VRK2: variants seen among roughly 807,000 people sequenced by gnomAD.
The protein encoded by VRK2 is VRK serine/threonine kinase 2, also known as serine/threonine-protein kinase VRK2.
In VRK2, 60 loss-of-function variants were observed where a neutral mutation model predicts 57.6. The observed-to-expected ratio is 1.04, with a 90% CI of 0.85 to 1.29. The LOEUF (loss-of-function observed/expected upper bound fraction) is 1.29, where lower values mean the gene tolerates loss of function less well. Among genes scored for constraint, VRK2 ranks in the 50% most tolerant of loss-of-function variants. The probability of loss-of-function intolerance (pLI) is 0.00; values close to 1 mark genes in which losing one functional copy is unlikely to be tolerated. For missense variants in VRK2, 705 were observed against 588.1 expected (o/e 1.20, Z -2.06); for synonymous variants, 231 against 199.2 (o/e 1.16, Z -1.35).
Position 58,118,673 on chromosome 2 carries a change from C to A in VRK2, c.544-4428C>A, listed in dbSNP as rs370171399. ...GGGGATTGATCTCCCAAGGGAGGTC[C>A]CCCGATCCGAGTCATGGCACCAAAT... On this transcript the variant is annotated intron_variant, in intron 7 of 12. Transcript: ENST00000340157. 1.5e-4 allele frequency among the ~76,000 whole-genome samples: 23 copies of A among 151,764 alleles called. No individual in the cohort carries two copies. In the East Asian group the frequency reaches 3.9e-3, roughly 26 times the overall value.
intron 1 of VRK2, among the ~76,000 whole-genome samples, chr2:57,985,283 A>G (rs934116535): frequency 2.6e-5 from 4 of 152,084 alleles, no homozygotes; most frequent in Non-Finnish European, 4.4e-5. Flanking sequence ...TCCTTGTGAT[A>G]TATTTCTAAT....
chr2:58,017,501 C>T (rs746916301), intron 1 of VRK2, among the ~76,000 whole-genome samples: 2 of 152,186 alleles, frequency 1.3e-5, no homozygotes, highest in Non-Finnish European at 2.9e-5. Flanking sequence ...GGGCAATTTT[C>T]TCCGCTGGGG....
At chr2:57,972,612 C>T (rs1215446512) in intron 1 of VRK2, among the ~76,000 whole-genome samples, 1 of 151,766 alleles carries the variant, frequency 6.6e-6, no homozygotes, top group African/African-American at 2.4e-5. Context: ...TCATTTGTCT[C>T]ATTTTAATTT....
chr2:58,153,648 C>T (rs1375039104), intron 12 of VRK2, among the ~76,000 whole-genome samples: 1 of 152,076 alleles, frequency 6.6e-6, no homozygotes, highest in African/African-American at 2.4e-5. Flanking sequence ...CATCTGTGCT[C>T]ATGAGAGCTG....
At chr2:57,946,103 T>G (rs973305525) in intron 1 of VRK2, among the ~76,000 whole-genome samples, 1 of 152,094 alleles carries the variant, frequency 6.6e-6, no homozygotes, top group Non-Finnish European at 1.5e-5. Flanking sequence ...AGAGGAATAA[T>G]TTATTTATAT....
At chr2:57,958,688 G>C (rs936901073) in intron 1 of VRK2, among the ~76,000 whole-genome samples, 5 of 151,888 alleles carry the variant, frequency 3.3e-5, no homozygotes, top group Non-Finnish European at 7.4e-5. Flanking sequence ...GCTACTTATT[G>C]ATCCCTGCAT....
chr2:57,963,467 T>C (rs971054274), intron 1 of VRK2, among the ~76,000 whole-genome samples: 2 of 152,236 alleles, frequency 1.3e-5, no homozygotes, highest in African/African-American at 4.8e-5. Flanking sequence ...TTAGCATTAT[T>C]ATATAATACG....
chr2:58,050,163 G>C (rs1213299586), intron 2 of VRK2, among the ~76,000 whole-genome samples: 2 of 151,968 alleles, frequency 1.3e-5, no homozygotes, highest in Non-Finnish European at 2.9e-5. Flanking sequence ...TACGTTAAAA[G>C]AAACAGGTGA....
chr2:57,996,500 G>T (rs1384176091), intron 1 of VRK2, among the ~76,000 whole-genome samples: 1 of 152,174 alleles, frequency 6.6e-6, no homozygotes, highest in Non-Finnish European at 1.5e-5. Context: ...TATAGGTATT[G>T]GTCATATCCT....
At chr2:57,926,871 A>C (rs1293207564) in intron 1 of VRK2, among the ~76,000 whole-genome samples, 1 of 151,724 alleles carries the variant, frequency 6.6e-6, no homozygotes, top group African/African-American at 2.4e-5. Flanking sequence ...GTTCTTATTT[A>C]TAAGTAAAGA....
intron 10 of VRK2, among the ~76,000 whole-genome samples, chr2:58,136,968 ATATAT>A (rs1423262451): frequency 5.6e-4 from 71 of 125,718 alleles, no homozygotes; most frequent in South Asian, 3.5e-3. Context: ...TATATATATC[ATATAT>A]TATATATCAT....
At chr2:58,036,614 T>C (rs1395559486) in intron 3 of VRK2, among the ~76,000 whole-genome samples, 1 of 152,000 alleles carries the variant, frequency 6.6e-6, no homozygotes, top group African/African-American at 2.4e-5. Flanking sequence ...AGAAATACTA[T>C]GTAAAACCAA....
intron 1 of VRK2, among the ~76,000 whole-genome samples, chr2:57,954,943 A>G (rs182508328): frequency 2.0e-5 from 3 of 152,310 alleles, no homozygotes; most frequent in Admixed American, 2.0e-4. Context: ...ATTATTGGAG[A>G]TGTTAAATTA....
At chr2:58,120,184 CTTTTTTTTTTTT>C (rs397868874) in intron 7 of VRK2, among the ~76,000 whole-genome samples, 3 of 51,988 alleles carry the variant, frequency 5.8e-5, no homozygotes, top group East Asian at 1.1e-3. Context: ...TTTTTCTTTT[CTTTTTTTTTTTT>C]TTTTTTTTTT....
At chr2:58,115,194 G>A (rs1298552735) in intron 7 of VRK2, among the ~76,000 whole-genome samples, 2 of 152,234 alleles carry the variant, frequency 1.3e-5, no homozygotes, top group East Asian at 3.9e-4. Flanking sequence ...TGTGTTCAGG[G>A]TGAGGGACAG....
At chr2:58,079,776 G>A (rs1402448386) in intron 2 of VRK2, among the ~76,000 whole-genome samples, 1 of 151,844 alleles carries the variant, frequency 6.6e-6, no homozygotes, top group Non-Finnish European at 1.5e-5. Context: ...TTTCTCCAAG[G>A]AGCCCTGATT....
chr2:57,938,927 T>C (rs1213895288), intron 1 of VRK2, among the ~76,000 whole-genome samples: 1 of 152,196 alleles, frequency 6.6e-6, no homozygotes, highest in Non-Finnish European at 1.5e-5. Flanking sequence ...CTTTACTCAC[T>C]AATAACAATT....
chr2:58,088,597 G>T, intron 6 of VRK2, 151 bp downstream of exon 6: 1 of 669,570 alleles, frequency 1.5e-6, no homozygotes. Flanking sequence ...TGGTGAAATT[G>T]ATAACAATGG....
chr2:57,908,366 G>C (rs1414875771), intron 1 of VRK2, among the ~76,000 whole-genome samples: 3 of 152,102 alleles, frequency 2.0e-5, no homozygotes, highest in Non-Finnish European at 4.4e-5. Flanking sequence ...TGGCAGCTGT[G>C]ACTACTTATG....
Sources: allele counts gnomAD v4.1 joint callset (sites outside exome capture counted in the v4.1 genomes callset), GRCh38; gene constraint gnomAD v4.1.1; transcripts MANE v1.5; gene names NCBI Gene and HGNC (gene_info 2026-07-23, HGNC 2026-07-21).